Variants in ADGRL2 observed in about 807,000 individuals in gnomAD.
The protein encoded by ADGRL2 is calcium-independent alpha-latrotoxin receptor 2.
In ADGRL2, 44 loss-of-function variants were observed where a neutral mutation model predicts 157.4. That is an observed-to-expected ratio of 0.28 (90% CI 0.22 to 0.36). The LOEUF is 0.36. Ranked by LOEUF, ADGRL2 falls within the 10% of genes least tolerant of loss-of-function variation. The pLI is 1.00. For synonymous variants in ADGRL2, 585 were observed against 624.7 expected (o/e 0.94, Z 0.95); for missense variants, 1,510 against 1,768.9 (o/e 0.85, Z 2.63).
intron 2 of ADGRL2, chr1:81,502,650 C>G: frequency 6.2e-7 from 1 of 1,613,992 alleles, no homozygotes; most frequent in Non-Finnish European, 8.5e-7. Flanking sequence ...GCTGCCTTCA[C>G]CCTCAGCTCA....
At chr1:81,670,439 A>G (rs1178535282) in intron 3 of ADGRL2, among the ~76,000 whole-genome samples, 1 of 152,186 alleles carries the variant, frequency 6.6e-6, no homozygotes, top group East Asian at 1.9e-4. Context: ...GTAGGAAAGT[A>G]CACTGCCCTC....
intron 2 of ADGRL2, among the ~76,000 whole-genome samples, chr1:81,873,142 C>A (rs1261010848): frequency 6.6e-6 from 1 of 152,020 alleles, no homozygotes; most frequent in Admixed American, 6.6e-5. Flanking sequence ...GTATAGACCA[C>A]CTGCTGTTAA....
At chr1:81,967,930 A>C (rs760711339) in intron 13 of ADGRL2, 96 bp from the exon 14 acceptor site, 8 of 1,023,484 alleles carry the variant, frequency 7.8e-6, no homozygotes, top group Non-Finnish European at 1.0e-5. Context: ...AAACATGCAA[A>C]GTTTAATCTA....
intron 1 of ADGRL2, among the ~76,000 whole-genome samples, chr1:81,733,803 G>A (rs572987243): frequency 6.1e-4 from 93 of 152,262 alleles, no homozygotes; most frequent in African/African-American, 2.1e-3. Context: ...GGGATACAAA[G>A]AAGGTAACTG....
intron 2 of ADGRL2, among the ~76,000 whole-genome samples, chr1:81,838,058 C>T (rs1020476678): frequency 6.6e-6 from 1 of 151,876 alleles, no homozygotes. Flanking sequence ...TTTAAGTGAT[C>T]TCACTTATAC....
intron 17 of ADGRL2, among the ~76,000 whole-genome samples, chr1:81,976,987 T>C (rs528713951): frequency 2.6e-5 from 4 of 152,036 alleles, no homozygotes; most frequent in African/African-American, 9.6e-5. Flanking sequence ...CTTTTAAATA[T>C]AGACTTAGTA....
chr1:81,448,512 A>G (rs1228608998), intron 2 of ADGRL2, among the ~76,000 whole-genome samples: 2 of 152,048 alleles, frequency 1.3e-5, no homozygotes, highest in East Asian at 3.9e-4. Flanking sequence ...GAATGAAATA[A>G]TACAGCCTCT....
chr1:81,359,590 C>T (rs1365456419), intron 1 of ADGRL2, among the ~76,000 whole-genome samples: 3 of 151,978 alleles, frequency 2.0e-5, no homozygotes, highest in Non-Finnish European at 2.9e-5. Context: ...ATAGACATTG[C>T]TAACATGATT....
intron 2 of ADGRL2, among the ~76,000 whole-genome samples, chr1:81,522,620 A>G (rs2079348648): frequency 6.6e-6 from 1 of 152,214 alleles, no homozygotes; most frequent in South Asian, 2.1e-4. Flanking sequence ...GGTTTAAGCT[A>G]TACTTTTTCT....
chr1:81,395,165 C>T (rs2101171960), intron 1 of ADGRL2, among the ~76,000 whole-genome samples: 1 of 152,236 alleles, frequency 6.6e-6, no homozygotes, highest in South Asian at 2.1e-4. Context: ...CCCGCTTTGG[C>T]CTTTCAAAGT....
chr1:81,393,712 A>G (rs749867828), intron 1 of ADGRL2, among the ~76,000 whole-genome samples: 1 of 152,168 alleles, frequency 6.6e-6, no homozygotes, highest in African/African-American at 2.4e-5. Flanking sequence ...GGTTGTGCCA[A>G]ATAAATGCAT....
At chr1:81,321,540 T>C (rs1660497732) in intron 1 of ADGRL2, among the ~76,000 whole-genome samples, 1 of 152,142 alleles carries the variant, frequency 6.6e-6, no homozygotes. Context: ...AATTTCAATA[T>C]TGTTGTGACT....
At chr1:81,557,021 C>CAAA (rs150664851) in intron 2 of ADGRL2, 72 of 147,428 alleles carry the variant, frequency 4.9e-4, no homozygotes, top group African/African-American at 1.6e-3. Context: ...GACTCCGTCT[C>CAAA]AAAAAAAAAA....
intron 2 of ADGRL2, among the ~76,000 whole-genome samples, chr1:81,849,297 A>G (rs1435623889): frequency 6.6e-6 from 1 of 151,936 alleles, no homozygotes; most frequent in African/African-American, 2.4e-5. Context: ...TTGCACTGAA[A>G]TACTAAATAC....
In ADGRL2 at chr1:81,954,651, T is replaced by C. The variant is rs3790886; in HGVS notation, c.1834-1226T>C. Among the ~76,000 whole-genome samples, 47 of 152,310 alleles carry C rather than the reference T, an allele frequency of 3.1e-4. No individual in the cohort carries two copies. In the East Asian group the frequency reaches 5.8e-3, roughly 19 times the overall value. On this transcript the variant is annotated intron_variant, in intron 10 of 23. Transcript: ENST00000686636. ...GGCTGCCGCAGTATCAGTGTGAGCA[T>C]TTCGACTATTCTGTCTCCCATTAGA...
chr1:81,951,169 A>G (rs1338930969), intron 8 of ADGRL2, 48 bp downstream of exon 8: 1 of 1,208,588 alleles, frequency 8.3e-7, no homozygotes, highest in Admixed American at 1.7e-5. Flanking sequence ...TAGGGCATTA[A>G]CTTCTAACAT....
intron 1 of ADGRL2, among the ~76,000 whole-genome samples, chr1:81,443,185 C>A (rs2077540310): frequency 6.6e-6 from 1 of 152,096 alleles, no homozygotes; most frequent in Admixed American, 6.6e-5. Context: ...CTTTGGGAGG[C>A]CAATGTGGGT....
chr1:81,400,883 A>G (rs1476271714), intron 1 of ADGRL2, among the ~76,000 whole-genome samples: 1 of 152,154 alleles, frequency 6.6e-6, no homozygotes, highest in African/African-American at 2.4e-5. Flanking sequence ...TAGCTCAGCC[A>G]GGGCTCTGTT....
intron 1 of ADGRL2, among the ~76,000 whole-genome samples, chr1:81,818,770 A>G (rs1250181646): frequency 1.3e-5 from 2 of 152,202 alleles, no homozygotes; most frequent in Non-Finnish European, 2.9e-5. Flanking sequence ...GCCAAAATGA[A>G]GTGCAGAGAA....
Sources: gnomAD v4.1 joint callset for allele counts (sites outside exome capture counted in the v4.1 genomes callset) on GRCh38, gnomAD v4.1.1 for gene constraint, MANE v1.5 for transcripts, NCBI Gene and HGNC (gene_info 2026-07-23, HGNC 2026-07-21) for gene names.